Variants in RASSF5 observed in about 807,000 individuals in gnomAD.
RASSF5 encodes ras association domain-containing protein 5.
A neutral mutation model predicts 40.5 loss-of-function variants in RASSF5; 25 were observed. The ratio of observed to expected loss-of-function variants is 0.62; its 90% CI spans 0.45 to 0.86. The LOEUF is 0.86. Ranked by LOEUF, RASSF5 falls within the 40% of genes least tolerant of loss-of-function variation. RASSF5 has a pLI of 0.00. For synonymous variants in RASSF5, 246 were observed against 252.4 expected (o/e 0.97, Z 0.24); for missense variants, 521 against 572.8 (o/e 0.91, Z 0.92).
chr1:206,514,194 G>T (rs1423362658), intron 1 of RASSF5, among the ~76,000 whole-genome samples: 1 of 152,250 alleles, frequency 6.6e-6, no homozygotes, highest in Admixed American at 6.5e-5. Flanking sequence ...AGGAAGGGCA[G>T]TGGGGTCCCT....
chr1:206,541,759 A>G (rs1419316686), intron 2 of RASSF5: 1 of 152,228 alleles, frequency 6.6e-6, no homozygotes, highest in Non-Finnish European at 1.5e-5. Context: ...ATTTAGGATT[A>G]TACCCCAAAG....
intron 1 of RASSF5, among the ~76,000 whole-genome samples, chr1:206,517,456 A>G (rs1320782360): frequency 6.6e-6 from 1 of 152,108 alleles, no homozygotes; most frequent in Non-Finnish European, 1.5e-5. Context: ...TGGATGACAG[A>G]GCAAGATCCT....
chr1:206,539,396 C>T (rs1023631986), intron 2 of RASSF5, among the ~76,000 whole-genome samples: 6 of 152,270 alleles, frequency 3.9e-5, no homozygotes, highest in Admixed American at 1.3e-4. Flanking sequence ...CGAGCAGCCC[C>T]CCGGTCTCCA....
intron 2 of RASSF5, chr1:206,572,685 A>G (rs371706157): frequency 6.6e-6 from 1 of 152,234 alleles, no homozygotes; most frequent in East Asian, 1.9e-4. Flanking sequence ...GAGGTCCACA[A>G]AAACGTTTTA....
chr1:206,583,136 C>G, intron 2 of RASSF5, 133 bp from the exon 3 acceptor site: 1 of 638,666 alleles, frequency 1.6e-6, no homozygotes, highest in Admixed American at 2.3e-5. Context: ...ACTCCGAGTC[C>G]GTGCAGTTAG....
intron 2 of RASSF5, among the ~76,000 whole-genome samples, chr1:206,580,371 A>C (rs537398489): frequency 3.3e-5 from 5 of 152,340 alleles, no homozygotes; most frequent in African/African-American, 9.6e-5. Context: ...TTTTTTATAG[A>C]CAAGTATGAG....
chr1:206,577,030 C>T (rs534916159), intron 2 of RASSF5, among the ~76,000 whole-genome samples: 46 of 150,062 alleles, frequency 3.1e-4, no homozygotes, highest in Non-Finnish European at 5.2e-4. Context: ...AGACTGGTCT[C>T]GAACTCCTGG....
intron 2 of RASSF5, among the ~76,000 whole-genome samples, chr1:206,572,244 A>G (rs1461363539): frequency 6.6e-6 from 1 of 152,100 alleles, no homozygotes; most frequent in African/African-American, 2.4e-5. Flanking sequence ...ATGAACCCCT[A>G]TTGTGTGCCT....
At chr1:206,557,273 G>T (rs1472747875) in intron 2 of RASSF5, 2 of 1,162,618 alleles carry the variant, frequency 1.7e-6, no homozygotes, top group Non-Finnish European at 2.1e-6. Context: ...ACACGAAACC[G>T]CAGAGCCCGG....
chr1:206,562,514 T>A (rs1668171417), intron 2 of RASSF5, among the ~76,000 whole-genome samples: 1 of 152,118 alleles, frequency 6.6e-6, no homozygotes, highest in Admixed American at 6.6e-5. Context: ...AGAGATGCCG[T>A]CCGAACTCCA....
chr1:206,551,900 G>A (rs1667852126), intron 2 of RASSF5, among the ~76,000 whole-genome samples: 1 of 152,240 alleles, frequency 6.6e-6, no homozygotes, highest in African/African-American at 2.4e-5. Flanking sequence ...GATTGGCCCT[G>A]CCCAGAGAGG....
chr1:206,536,504 C>T (rs936314569), intron 1 of RASSF5, among the ~76,000 whole-genome samples: 21 of 151,878 alleles, frequency 1.4e-4, no homozygotes, highest in African/African-American at 5.1e-4. Flanking sequence ...AAACATGGTC[C>T]AGGTGCTTAT....
At chr1:206,572,862 T>G (rs1668497109) in intron 2 of RASSF5, among the ~76,000 whole-genome samples, 1 of 152,196 alleles carries the variant, frequency 6.6e-6, no homozygotes, top group Non-Finnish European at 1.5e-5. Flanking sequence ...ACAAAAGTTC[T>G]TAGGACCCAT....
At chr1:206,541,115 G>A (rs370045174) in intron 2 of RASSF5, among the ~76,000 whole-genome samples, 7 of 152,066 alleles carry the variant, frequency 4.6e-5, no homozygotes, top group African/African-American at 1.7e-4. Context: ...GGCTGGTCTC[G>A]AACTCCTGAC....
Position 206,508,322 on chromosome 1 carries a change from C to CCACACACACACACA in RASSF5, c.457+283_457+296dup, listed in dbSNP as rs368124193. ...CCTGACAGGTGCGTGCCTTGGCCCT[C>CCACACACACACACA]CACACACACACACACACACACACAC... On this transcript the variant is annotated intron_variant, in intron 1 of 5. Coordinates refer to ENST00000579436, the MANE Select transcript of RASSF5 (RefSeq NM_182663.4). Among the ~76,000 whole-genome samples the CCACACACACACACA allele has an allele frequency of 4.4e-3, 640 of 146,598 alleles. 6 individuals are homozygous for CCACACACACACACA. Among genetic ancestry groups the CCACACACACACACA allele is most frequent in the African/African-American group, 0.015 (590 of 39,884 alleles).
chr1:206,540,552 G>A (rs1553399253), intron 2 of RASSF5, among the ~76,000 whole-genome samples: 3 of 152,250 alleles, frequency 2.0e-5, no homozygotes, highest in Non-Finnish European at 4.4e-5. Flanking sequence ...GCCAGATCAG[G>A]CTGCTGCTGT....
intron 1 of RASSF5, among the ~76,000 whole-genome samples, chr1:206,510,507 T>C (rs1553394507): frequency 6.6e-6 from 1 of 152,184 alleles, no homozygotes; most frequent in East Asian, 1.9e-4. Flanking sequence ...TTCGATATGA[T>C]TGTTATTGTC....
chr1:206,556,658 T>C (rs1347214463), intron 2 of RASSF5, among the ~76,000 whole-genome samples: 1 of 152,256 alleles, frequency 6.6e-6, no homozygotes, highest in Non-Finnish European at 1.5e-5. Flanking sequence ...GCTTGCTCTC[T>C]AGGTTGCCAT....
At position 206,519,201 on chromosome 1, in the gene RASSF5, T is replaced by C. The variant is rs144261229; in HGVS notation, c.457+11142T>C. 7.9e-5 allele frequency among the ~76,000 whole-genome samples: 12 copies of C among 152,206 alleles called. No homozygotes were observed. The East Asian group carries it at 2.3e-3, about 29-fold the overall frequency. ...AGATAAGAGGCAGAGACAACAGCAA[T>C]CCAAATCATCATAGGATCTTAGGTC... is the stretch of plus-strand genomic sequence containing the variant. On this transcript the variant is annotated intron_variant, in intron 1 of 5. Transcript: ENST00000579436.
Sources: gnomAD v4.1 joint callset for allele counts (sites outside exome capture counted in the v4.1 genomes callset) on GRCh38, gnomAD v4.1.1 for gene constraint, MANE v1.5 for transcripts, NCBI Gene and HGNC (gene_info 2026-07-23, HGNC 2026-07-21) for gene names.